The following UPF3B variants were observed in gnomAD, a reference collection of about 807,000 sequenced individuals.
The protein encoded by UPF3B is UPF3B regulator of nonsense mediated mRNA decay.
A neutral mutation model predicts 40.3 loss-of-function variants in UPF3B; 7 were observed. The observed-to-expected ratio is 0.17, with a 90% CI of 0.10 to 0.33. The LOEUF is 0.33. Ranked by LOEUF, UPF3B falls within the 10% of genes least tolerant of loss-of-function variation. The pLI, the probability that UPF3B is intolerant of heterozygous loss-of-function variation, is 1.00. For synonymous variants in UPF3B, 117 were observed against 117.3 expected, an observed-to-expected ratio of 1.00 and a Z score of 0.01; for missense variants, 229 against 358.9, an observed-to-expected ratio of 0.64 and a Z score of 2.93.
At chrX:119,814,859 C>CTTTTTT (rs140201169) in intron 5 of UPF3B, among the ~76,000 whole-genome samples, 63 of 46,208 alleles carry the variant, frequency 1.4e-3, no homozygotes, top group Non-Finnish European at 2.0e-3. Context: ...TTCTTTCTTT[C>CTTTTTT]TTTTTTTTTT....
chrX:119,823,556 C>CTTT lies in UPF3B; in HGVS notation c.393-514_393-513insAAA, dbSNP rs1569459617. 2.4e-4 allele frequency among the ~76,000 whole-genome samples: 10 copies of CTTT among 42,082 alleles called. 1 individual carries two copies. Among genetic ancestry groups the CTTT allele is most frequent in the Admixed American group, 1.1e-3 (3 of 2,786 alleles). The allele number at this position is 42,082 out of a possible 115,157, so 36.5% of individuals were successfully genotyped here. A position where few individuals can be genotyped will look rare whatever the true frequency, so the allele number is the denominator to read the frequency against. On this transcript the variant is annotated intron_variant, in intron 3 of 6. Transcript: ENST00000636792. Reference sequence around the variant, plus strand: ...CTGGCCCATTTCTTTTCTTTTTTTCCTCTTTTTTTTTTTTTTTTTTTGTCT... The same window carrying CTTT: ...CTGGCCCATTTCTTTTCTTTTTTTCCTTTTCTTTTTTTTTTTTTTTTTTTGTCT...
intron 1 of UPF3B, 89 bp from the exon 2 acceptor site, chrX:119,851,962 T>C: frequency 1.6e-6 from 1 of 615,260 alleles, no homozygotes; most frequent in South Asian, 2.6e-5. Context: ...AAGGCTGGGC[T>C]TTAAAATATG....
chrX:119,826,678 AAATT>A (rs1383342943), intron 3 of UPF3B, among the ~76,000 whole-genome samples: 1 of 112,205 alleles, frequency 8.9e-6, no homozygotes, highest in Non-Finnish European at 1.9e-5. Flanking sequence ...GGTTGCTGCA[AAATT>A]AATTATTGTT....
intron 5 of UPF3B, among the ~76,000 whole-genome samples, chrX:119,814,958 T>C (rs1487426920): frequency 9.9e-6 from 1 of 101,263 alleles, no homozygotes; most frequent in Non-Finnish European, 2.0e-5. Flanking sequence ...CTCCGCCTCC[T>C]GAGTTCAAGC....
At chrX:119,816,990 G>A (rs1004852239) in intron 4 of UPF3B, among the ~76,000 whole-genome samples, 2 of 111,000 alleles carry the variant, frequency 1.8e-5, no homozygotes, top group Non-Finnish European at 3.8e-5. Flanking sequence ...TAAAATATGT[G>A]ACGTAGTCTC....
At chrX:119,823,006 C>T (rs762975365) in exon 4 of UPF3B, 4 of 879,621 alleles carry the variant, frequency 4.5e-6, no homozygotes, top group Non-Finnish European at 5.6e-6. Context: ...ACCTCGGCCT[C>T]GAGCTCCTCG....
chrX:119,844,196 G>A (rs1024613022), intron 4 of UPF3B, among the ~76,000 whole-genome samples: 1 of 110,383 alleles, frequency 9.1e-6, no homozygotes, highest in Non-Finnish European at 1.9e-5. Flanking sequence ...GATTACAGGT[G>A]CCCGCCACCA....
chrX:119,845,114 T>G (rs2056211659), intron 4 of UPF3B, 84 bp downstream of exon 4: 1 of 766,563 alleles, frequency 1.3e-6, no homozygotes, highest in African/African-American at 2.1e-5. Flanking sequence ...AATTTAAAAT[T>G]TTGGGGTCGA....
At chrX:119,851,660 T>C in intron 2 of UPF3B, 59 bp from the exon 3 acceptor site, 1 of 974,858 alleles carries the variant, frequency 1.0e-6, no homozygotes. Flanking sequence ...CAATTACAAG[T>C]ATGCATATAT....
intron 2 of UPF3B, 44 bp downstream of exon 2, chrX:119,851,723 G>T: frequency 1.3e-6 from 1 of 751,324 alleles, no homozygotes. Flanking sequence ...AAGAATGAAA[G>T]AAACCTTTTT....
rs148039397 is a variant in UPF3B at position 119,819,687 on chromosome X, A to G, written c.494+3255T>C. On this transcript the variant is annotated intron_variant, in intron 4 of 6. Coordinates refer to the UPF3B transcript ENST00000636792. ...TTAGGGGATGGATGAAATGACTAGT[A>G]TGTAATTGTTGTGAGCAAGAGACAT... 9.5e-4 allele frequency among the ~76,000 whole-genome samples: 106 copies of G among 111,928 alleles called. 1 individual carries two copies. The highest frequency in any genetic ancestry group is 3.3e-3 in the African/African-American group (101 of 30,847).
chrX:119,841,352 T>C, intron 6 of UPF3B, 94 bp from the exon 7 acceptor site: 1 of 1,167,638 alleles, frequency 8.6e-7, no homozygotes, highest in South Asian at 1.9e-5. Context: ...AACTGAATAA[T>C]CTTTCCTTCC....
At chrX:119,846,263 G>A (rs760376882) in intron 3 of UPF3B, among the ~76,000 whole-genome samples, 1 of 111,117 alleles carries the variant, frequency 9.0e-6, no homozygotes, top group South Asian at 3.7e-4. Flanking sequence ...GAACCCAGGA[G>A]GCAGAGATTG....
chrX:119,825,119 G>T (rs2147768848), intron 3 of UPF3B, among the ~76,000 whole-genome samples: 1 of 111,542 alleles, frequency 9.0e-6, no homozygotes, highest in South Asian at 3.7e-4. Flanking sequence ...CTGGTAGAAA[G>T]AAATACCCGA....
chrX:119,834,106 CT>C lies in UPF3B; in HGVS notation c.*771del, dbSNP rs1569461011. 8.0e-6 allele frequency: 6 copies of C among 752,531 alleles called. No homozygotes were observed. The African/African-American group carries it at 1.4e-4, about 17-fold the overall frequency. 62.0% of individuals were successfully genotyped at this position (752,531 alleles called of 1,213,427 possible). On this transcript the variant is annotated 3_prime_UTR_variant, in exon 11 of 11. Transcript: ENST00000276201. ...AGTTGCTATTTAACAGGAATAGACA[CT>C]GGTGCAGTTTCCTTCCTGGAGAGGG...
chrX:119,841,390 C>A (rs2056159683), intron 6 of UPF3B, 132 bp from the exon 7 acceptor site: 4 of 1,032,727 alleles, frequency 3.9e-6, no homozygotes, highest in Admixed American at 5.3e-5. Context: ...CATTCTACCA[C>A]CGTTATCCCC....
intron 3 of UPF3B, among the ~76,000 whole-genome samples, chrX:119,826,152 C>T (rs1569459912): frequency 9.2e-6 from 1 of 108,927 alleles, no homozygotes; most frequent in Non-Finnish European, 1.9e-5. Flanking sequence ...CAGAGTGAGA[C>T]TCTGTCTCAA....
At chrX:119,813,097 G>T (rs942742504) in intron 5 of UPF3B, among the ~76,000 whole-genome samples, 2 of 111,722 alleles carry the variant, frequency 1.8e-5, no homozygotes, top group African/African-American at 6.5e-5. Flanking sequence ...ACATAAAGTG[G>T]TGATTAAGAA....
intron 8 of UPF3B, among the ~76,000 whole-genome samples, chrX:119,840,132 G>A (rs1161746421): frequency 2.7e-5 from 3 of 111,733 alleles, no homozygotes; most frequent in Non-Finnish European, 5.7e-5. Flanking sequence ...TACTTCCCCA[G>A]GAAATATGTT....
Sources: allele counts gnomAD v4.1 joint callset (sites outside exome capture counted in the v4.1 genomes callset), GRCh38; gene constraint gnomAD v4.1.1; transcripts MANE v1.5; gene names NCBI Gene and HGNC (gene_info 2026-07-23, HGNC 2026-07-21).